Variants in ZNF385D observed in about 807,000 individuals in gnomAD.
The protein encoded by ZNF385D is zinc finger protein 659.
Under a neutral mutation model 35.8 loss-of-function variants are expected in ZNF385D, and 15 were observed. The observed-to-expected ratio is 0.42, with a 90% CI of 0.28 to 0.64. The LOEUF (loss-of-function observed/expected upper bound fraction) is 0.64. Among genes scored for constraint, ZNF385D ranks in the 30% least tolerant of loss-of-function variants. ZNF385D has a pLI of 0.23. For synonymous variants in ZNF385D, 212 were observed against 186.8 expected, an observed-to-expected ratio of 1.13 and a Z score of -1.10; for missense variants, 474 against 494.6, an observed-to-expected ratio of 0.96 and a Z score of 0.39.
intron 5 of ZNF385D, among the ~76,000 whole-genome samples, chr3:21,428,487 T>A (rs1440722209): frequency 6.6e-6 from 1 of 152,036 alleles, no homozygotes; most frequent in African/African-American, 2.4e-5. Context: ...TACACACAAA[T>A]CTTTAATTTT....
chr3:21,694,062 G>C (rs1174408883), intron 1 of ZNF385D, among the ~76,000 whole-genome samples: 1 of 5,462 alleles, frequency 1.8e-4, no homozygotes, highest in African/African-American at 9.7e-4. Context: ...TTTTTTTTTT[G>C]AGACAGAGTC....
intron 2 of ZNF385D, among the ~76,000 whole-genome samples, chr3:22,176,924 T>A (rs769062056): frequency 2.0e-5 from 3 of 152,182 alleles, no homozygotes; most frequent in Non-Finnish European, 4.4e-5. Flanking sequence ...ATGTCTTAAA[T>A]TTCAACGTCA....
chr3:21,762,801 A>C (rs138880829), intron 3 of ZNF385D, among the ~76,000 whole-genome samples: 142 of 152,296 alleles, frequency 9.3e-4, no homozygotes, highest in African/African-American at 3.3e-3. Context: ...CCAGTGATCA[A>C]TATGGGATTG....
At chr3:21,999,434 C>T (rs781591816) in intron 3 of ZNF385D, among the ~76,000 whole-genome samples, 7 of 151,642 alleles carry the variant, frequency 4.6e-5, no homozygotes, top group East Asian at 1.9e-4. Context: ...AAATGATTTG[C>T]GAGTAAAATT....
chr3:21,885,740 CTGTGTGTGTGTGTGTG>C (rs3074769), intron 3 of ZNF385D, among the ~76,000 whole-genome samples: 3 of 101,196 alleles, frequency 3.0e-5, no homozygotes, highest in African/African-American at 1.2e-4. Context: ...GTGTCTGTGT[CTGTGTGTGTGTGTGTG>C]TGTGTGTGTG....
At chr3:21,759,629 T>A (rs2070510985) in intron 3 of ZNF385D, among the ~76,000 whole-genome samples, 2 of 152,162 alleles carry the variant, frequency 1.3e-5, no homozygotes, top group African/African-American at 4.8e-5. Context: ...CTTATACACT[T>A]CAGAGGTTTC....
In ZNF385D at chr3:21,939,043, G is replaced by A. The variant is rs145916129; in HGVS notation, c.325+229774C>T. ...TTCTGGATGTCACATTGATGGGGCA[G>A]GTTTCTCACTAAACTAATTTTCCAT... On this transcript the variant is annotated intron_variant, in intron 3 of 5. Transcript: ENST00000494108. 9.9e-5 allele frequency among the ~76,000 whole-genome samples: 15 copies of A among 152,280 alleles called. No individual in the cohort carries two copies. In the East Asian group the frequency reaches 2.9e-3, roughly 29 times the overall value.
chr3:21,663,890 A>AATGTATATATATATATATACATAT (rs2066310461), intron 2 of ZNF385D, among the ~76,000 whole-genome samples: 1 of 64,418 alleles, frequency 1.6e-5, no homozygotes, highest in South Asian at 4.5e-4. Flanking sequence ...TTGTGGGCCG[A>AATGTATATATATATATATACATAT]ATATATATAT....
intron 3 of ZNF385D, 47 bp downstream of exon 3, chr3:21,564,527 C>CA (rs2063072995): frequency 1.6e-6 from 2 of 1,223,026 alleles, no homozygotes. Flanking sequence ...ATTAGAACAG[C>CA]AAAATGTATT....
intron 3 of ZNF385D, among the ~76,000 whole-genome samples, chr3:21,767,117 C>T (rs898340295): frequency 1.3e-5 from 2 of 149,722 alleles, no homozygotes; most frequent in Non-Finnish European, 3.0e-5. Flanking sequence ...CTGTCTCAGC[C>T]TAAATTGAAA....
intron 3 of ZNF385D, among the ~76,000 whole-genome samples, chr3:22,103,180 C>T (rs1236729385): frequency 6.7e-6 from 1 of 150,074 alleles, no homozygotes; most frequent in African/African-American, 2.5e-5. Context: ...CCTCTCTGAT[C>T]ACTGCGAAAG....
chr3:22,044,758 CTT>C (rs139703455), intron 3 of ZNF385D, among the ~76,000 whole-genome samples: 12,678 of 152,042 alleles, frequency 0.083, 648 homozygotes, highest in African/African-American at 0.13. Context: ...TGGTGGGAGT[CTT>C]TTCTTCCAAG....
In ZNF385D at chr3:21,443,420, T is replaced by C. The variant is rs559145620; in HGVS notation, c.440-6217A>G. On this transcript the variant is annotated intron_variant, in intron 4 of 7. Transcript: ENST00000281523. ...TGCTCGGTCCTGAAAATTTTGGGGG[T>C]CTGTCTTATAGAACCCATCCATATA... The C allele has an allele frequency of 3.2e-5, 28 of 883,092 alleles. No homozygotes were observed. In the African/African-American group the frequency reaches 4.0e-4, roughly 13 times the overall value. 54.7% of individuals were successfully genotyped at this position (883,092 alleles called of 1,614,324 possible). A position where few individuals can be genotyped will look rare whatever the true frequency, so the allele number is the denominator to read the frequency against.
rs548949491 is a variant in ZNF385D, at chr3:21,535,475, A to G, written c.277-24452T>C. Reference sequence around the variant, plus strand: ...ACATCGCATGGCAACTGCCAGAGTTAAAGCAACAGAAAAATGTACATCTCT... The same window carrying G: ...ACATCGCATGGCAACTGCCAGAGTTGAAGCAACAGAAAAATGTACATCTCT... On this transcript the variant is annotated intron_variant, in intron 3 of 7. Coordinates refer to ENST00000281523, the MANE Select transcript of ZNF385D (RefSeq NM_024697.3). Among the ~76,000 whole-genome samples, 9 of 152,258 alleles carry G rather than the reference A, an allele frequency of 5.9e-5. No individual in the cohort carries two copies. The South Asian group carries it at 1.9e-3, about 32-fold the overall frequency.
At chr3:21,952,578 A>C (rs1043332052) in intron 3 of ZNF385D, among the ~76,000 whole-genome samples, 1 of 151,964 alleles carries the variant, frequency 6.6e-6, no homozygotes, top group Non-Finnish European at 1.5e-5. Context: ...CAGTTTTCTC[A>C]CCTTTAAAAT....
intron 3 of ZNF385D, among the ~76,000 whole-genome samples, chr3:21,991,862 T>C (rs1210243453): frequency 6.6e-6 from 1 of 152,178 alleles, no homozygotes; most frequent in Non-Finnish European, 1.5e-5. Flanking sequence ...GATATATGAG[T>C]GAGTTATAGT....
chr3:22,017,210 C>G (rs769692671), intron 3 of ZNF385D, among the ~76,000 whole-genome samples: 10 of 151,820 alleles, frequency 6.6e-5, no homozygotes, highest in Non-Finnish European at 1.3e-4. Context: ...TCAATTTTTG[C>G]TTTAGATATT....
intron 2 of ZNF385D, among the ~76,000 whole-genome samples, chr3:22,323,558 G>A (rs973631090): frequency 6.6e-6 from 1 of 152,006 alleles, no homozygotes; most frequent in Non-Finnish European, 1.5e-5. Flanking sequence ...AGGCTAAAGG[G>A]GAATTTAGCT....
chr3:21,421,098 T>C lies in ZNF385D; in HGVS notation c.*116A>G. ...AACCTTTTCAATTCACTATCAAAAG[T>C]CCTGGCTCTTCAGATATACTTTAAA... On this transcript the variant is annotated 3_prime_UTR_variant, in exon 8 of 8. Transcript: ENST00000281523. 1 of 417,634 alleles carries C rather than the reference T, an allele frequency of 2.4e-6. No individual in the cohort carries two copies. The highest frequency in any genetic ancestry group is 3.4e-6 in the Non-Finnish European group (1 of 292,378). The allele number at this position is 417,634 out of a possible 1,614,324, so 25.9% of individuals were successfully genotyped here.
Sources: gnomAD v4.1 joint callset for allele counts (sites outside exome capture counted in the v4.1 genomes callset) on GRCh38, gnomAD v4.1.1 for gene constraint, MANE v1.5 for transcripts, NCBI Gene and HGNC (gene_info 2026-07-23, HGNC 2026-07-21) for gene names.